PRDM4: variants seen among roughly 807,000 people sequenced by gnomAD.
PRDM4 encodes the protein PR/SET domain 4.
PRDM4 carries 38 observed loss-of-function variants against 62.3 expected under a neutral mutation model. That is an observed-to-expected ratio of 0.61 (90% CI 0.47 to 0.80). The LOEUF (loss-of-function observed/expected upper bound fraction) is 0.80. Ranked by LOEUF, PRDM4 falls within the 30% of genes least tolerant of loss-of-function variation. The probability of loss-of-function intolerance (pLI) is 0.00; values close to 1 mark genes in which losing one functional copy is unlikely to be tolerated. For missense variants in PRDM4, 858 were observed against 997.1 expected, an observed-to-expected ratio of 0.86 and a Z score of 1.88; for synonymous variants, 339 against 348.2, an observed-to-expected ratio of 0.97 and a Z score of 0.30.
chr12:107,753,847 T>C (rs1464855105), intron 4 of PRDM4, 77 bp downstream of exon 4: 21 of 1,357,324 alleles, frequency 1.5e-5, no homozygotes, highest in Non-Finnish European at 2.1e-5. Context: ...AAAAGTGTTA[T>C]TCATATCTTC....
At chr12:107,741,520 G>A (rs543027872) in intron 9 of PRDM4, among the ~76,000 whole-genome samples, 186 of 152,100 alleles carry the variant, frequency 1.2e-3, no homozygotes, top group South Asian at 1.5e-3. Context: ...GATCAGCCTG[G>A]GCAACACAGC....
rs1046039683 is a variant in PRDM4 at position 107,732,968 on chromosome 12, C to T, written c.*1242G>A. On this transcript the variant is annotated 3_prime_UTR_variant, in exon 12 of 12. Transcript: ENST00000228437. ...ATACATTAGCAGCAAAACCTTCCCA[C>T]CAGAGTCCTCTACTCCAGCCCAGAG... is the stretch of plus-strand genomic sequence containing the variant. 3 of 152,628 alleles carry T rather than the reference C, an allele frequency of 2.0e-5. No individual in the cohort carries two copies. Among genetic ancestry groups the T allele is most frequent in the Non-Finnish European group, 4.4e-5 (3 of 68,052 alleles). The allele number at this position is 152,628 out of a possible 1,614,324, so 9.5% of individuals were successfully genotyped here.
In PRDM4 at chr12:107,734,319, T is replaced by C; in HGVS notation, c.2297A>G (p.Glu766Gly). 1 of 1,614,236 alleles carries C rather than the reference T, an allele frequency of 6.2e-7. No individual in the cohort carries two copies. Among genetic ancestry groups the C allele is most frequent in the Non-Finnish European group, 8.5e-7 (1 of 1,180,038 alleles). ...TSSSSAPEEE[E>G]EDDSEEEDLA... ...ATCTTCCTCTTCTGAGTCATCCTCT[T>C]CTTCCTCCTCTGGTGCTGACGAACT... The change falls in exon 12 of 12, where the codon GAA (glutamate) becomes GGA (glycine). Residue 766 changes from glutamate to glycine, a missense_variant. Physicochemically the swap from Glu to Gly is moderately conservative, Grantham distance 98 (BLOSUM62 -2). Around this residue, in one of 3 missense-constraint regions of PRDM4, gnomAD observed 355 missense variants for 432.6 expected, o/e 0.82. Coordinates refer to ENST00000228437, the MANE Select transcript of PRDM4 (RefSeq NM_012406.4).
At chr12:107,747,538 A>AT (rs1348469931) in intron 5 of PRDM4, among the ~76,000 whole-genome samples, 1 of 152,030 alleles carries the variant, frequency 6.6e-6, no homozygotes, top group Non-Finnish European at 1.5e-5. Flanking sequence ...TTAATTTCTT[A>AT]TTTTTCATAT....
chr12:107,746,227 C>T (rs1442109071), intron 6 of PRDM4, 48 bp downstream of exon 6: 2 of 1,596,390 alleles, frequency 1.3e-6, no homozygotes, highest in Admixed American at 3.5e-5. Flanking sequence ...CTCTACGCTA[C>T]AAAGGAAGAA....
Position 107,751,543 on chromosome 12 carries a change from G to T in PRDM4, c.998C>A (p.Thr333Asn), listed in dbSNP as rs764183962. ...ACCTGTCCCCATAGCAACCTCCTGGGTGATGGAGGAGACAGCCACAGGTTC... is the reference window on the plus strand; with the variant it reads ...ACCTGTCCCCATAGCAACCTCCTGGTTGATGGAGGAGACAGCCACAGGTTC... ...SLEPVAVSSI[T>N]QEVAMGTGHV... is the part of the protein sequence containing the mutation. Residue 333 changes from threonine to asparagine, a missense_variant, in exon 5 of 12, where the codon ACC becomes AAC. Thr to Asn is a moderately conservative substitution (Grantham distance 65, BLOSUM62 0). Around this residue, in one of 3 missense-constraint regions of PRDM4, gnomAD observed 499 missense variants for 546.7 expected, o/e 0.91. Coordinates refer to ENST00000228437, the MANE Select transcript of PRDM4 (RefSeq NM_012406.4). 1 of 1,612,216 alleles carries T rather than the reference G, an allele frequency of 6.2e-7. No individual in the cohort carries two copies. Among genetic ancestry groups the T allele is most frequent in the South Asian group, 1.1e-5 (1 of 91,056 alleles).
intron 3 of PRDM4, 48 bp from the exon 4 acceptor site, chr12:107,754,157 A>G (rs761723420): frequency 7.0e-7 from 1 of 1,429,256 alleles, no homozygotes; most frequent in Non-Finnish European, 9.5e-7. Flanking sequence ...TAGGTAATTA[A>G]AAATTCTCAC....
chr12:107,750,887 A>G (rs1423010721), intron 5 of PRDM4, among the ~76,000 whole-genome samples: 1 of 152,182 alleles, frequency 6.6e-6, no homozygotes. Flanking sequence ...TTGTATTATC[A>G]CTATGATTGT....
rs190695674 is a variant in PRDM4, at chr12:107,755,119, A to G, written c.146-1010T>C. Reference sequence around the variant, plus strand: ...TTTTTTTTTGAGACAAGGTTTTGCTATGTTGCCCAGGTTGGAGCGTAGTAG... The same window carrying G: ...TTTTTTTTTGAGACAAGGTTTTGCTGTGTTGCCCAGGTTGGAGCGTAGTAG... On this transcript the variant is annotated intron_variant, in intron 3 of 11. Transcript: ENST00000228437. Among the ~76,000 whole-genome samples, 5 of 151,838 alleles carry G rather than the reference A, an allele frequency of 3.3e-5. 1 individual carries two copies. The highest frequency in any genetic ancestry group is 2.0e-4 in the Admixed American group (3 of 15,250).
chr12:107,757,633 T>C (rs1236068820), intron 2 of PRDM4, among the ~76,000 whole-genome samples: 3 of 152,206 alleles, frequency 2.0e-5, no homozygotes, highest in African/African-American at 7.2e-5. Context: ...AGAGGCCATG[T>C]CATATGCCCC....
chr12:107,733,406 A>G lies in PRDM4; in HGVS notation c.*804T>C, dbSNP rs1890230933. 6.6e-6 allele frequency: 1 copy of G among 152,186 alleles called. No homozygotes were observed. The highest frequency in any genetic ancestry group is 1.5e-5 in the Non-Finnish European group (1 of 68,054). 9.4% of individuals were successfully genotyped at this position (152,186 alleles called of 1,614,324 possible). ...AGCAGGCATTATTTGGGCTCTCTGT[A>G]TCTCCAGGCCCCCTTTGTCTGAATG... On this transcript the variant is annotated 3_prime_UTR_variant, in exon 12 of 12. Transcript: ENST00000228437.
Position 107,751,566 on chromosome 12 carries a change from T to C in PRDM4, c.975A>G (p.Glu325=). The C allele has an allele frequency of 6.2e-7, 1 of 1,613,118 alleles. No individual in the cohort carries two copies. The highest frequency in any genetic ancestry group is 8.5e-7 in the Non-Finnish European group (1 of 1,179,116). The change falls in exon 5 of 12, where the codon GAA becomes GAG. Residue 325 remains glutamate (E), a synonymous_variant. Transcript: ENST00000228437. ...VSLHEVGLSL[E]PVAVSSITQE... Reference sequence around the variant, plus strand: ...GGGTGATGGAGGAGACAGCCACAGGTTCTAGGCTGAGGCCAACTTCATGGA... The same window carrying C: ...GGGTGATGGAGGAGACAGCCACAGGCTCTAGGCTGAGGCCAACTTCATGGA...
intron 2 of PRDM4, among the ~76,000 whole-genome samples, chr12:107,759,124 T>C (rs1891149821): frequency 6.6e-6 from 1 of 152,130 alleles, no homozygotes; most frequent in African/African-American, 2.4e-5. Context: ...TTTTTTTAAC[T>C]TAGCCAGGCA....
intron 2 of PRDM4, among the ~76,000 whole-genome samples, chr12:107,760,215 T>C (rs77481251): frequency 0.02 from 2,997 of 152,258 alleles, 59 homozygotes; most frequent in Non-Finnish European, 0.032. Flanking sequence ...ACAATACACG[T>C]TGGAATCCGG....
rs1432931791 is a variant in PRDM4, at chr12:107,751,867, A to G, written c.674T>C (p.Ile225Thr). The change falls in exon 5 of 12, where the codon ATC becomes ACC. Residue 225 changes from isoleucine to threonine, a missense_variant. Physicochemically the swap from Ile to Thr is moderately conservative, Grantham distance 89. This residue lies in a region of PRDM4 where 499 missense variants were observed against 546.7 expected (regional missense o/e 0.91). Transcript: ENST00000228437. Reference protein sequence around the residue: ...MDGVAGEHSQIPNGSRSHEPL... With the variant: ...MDGVAGEHSQTPNGSRSHEPL... ...TTCATGACTTCTGGAGCCATTTGGG[A>G]TTTGGGAATGCTCGCCTGCAACACC... is the stretch of plus-strand genomic sequence containing the variant. The G allele has an allele frequency of 2.5e-6, 4 of 1,614,182 alleles. No individual in the cohort carries two copies. In the South Asian group the frequency reaches 4.4e-5, roughly 18 times the overall value.
chr12:107,758,721 A>T (rs542657042), intron 2 of PRDM4, among the ~76,000 whole-genome samples: 1 of 152,246 alleles, frequency 6.6e-6, no homozygotes, highest in Non-Finnish European at 1.5e-5. Flanking sequence ...AGTTCCACAT[A>T]GACCTGTTTC....
intron 7 of PRDM4, among the ~76,000 whole-genome samples, chr12:107,743,944 G>A (rs1407377219): frequency 6.6e-6 from 1 of 151,872 alleles, no homozygotes; most frequent in East Asian, 1.9e-4. Flanking sequence ...GGGAAACCCC[G>A]TCTCTACAAA....
intron 11 of PRDM4, among the ~76,000 whole-genome samples, chr12:107,736,387 GGAA>G: frequency 6.6e-6 from 1 of 152,218 alleles, no homozygotes; most frequent in Admixed American, 6.5e-5. Flanking sequence ...CTGAATGGAG[GGAA>G]GAAGACATGC....
In PRDM4 at chr12:107,739,972, G is replaced by A. The variant is rs920580391; in HGVS notation, c.1925-421C>T. 3.3e-5 allele frequency among the ~76,000 whole-genome samples: 5 copies of A among 151,540 alleles called. 1 individual carries two copies. Among genetic ancestry groups the A allele is most frequent in the South Asian group, 2.1e-4 (1 of 4,790 alleles). ...CTATCTTTTTAAAACATATAATATT[G>A]CCTCAAAACCAGGGATGAAACAAAA... On this transcript the variant is annotated intron_variant, in intron 10 of 11. Transcript: ENST00000228437.
Sources: allele counts gnomAD v4.1 joint callset (sites outside exome capture counted in the v4.1 genomes callset), GRCh38; gene constraint gnomAD v4.1.1; regional missense constraint gnomAD v4.1.1; transcripts MANE v1.5; gene names NCBI Gene and HGNC (gene_info 2026-07-23, HGNC 2026-07-21).